The following WFS1 variants were observed in gnomAD, a reference collection of about 807,000 sequenced individuals.
WFS1 encodes the protein wolframin ER transmembrane glycoprotein, also known as wolframin.
A neutral mutation model predicts 68.5 loss-of-function variants in WFS1; 90 were observed. The ratio of observed to expected loss-of-function variants is 1.31; its 90% CI spans 1.11 to 1.56. WFS1 has a LOEUF of 1.56. Among genes scored for constraint, WFS1 ranks in the 40% most tolerant of loss-of-function variants. The pLI, the probability that WFS1 is intolerant of heterozygous loss-of-function variation, is 0.00. For synonymous variants in WFS1, 860 were observed against 540.7 expected, an observed-to-expected ratio of 1.59 and a Z score of -8.19; for missense variants, 1,767 against 1,232.6, an observed-to-expected ratio of 1.43 and a Z score of -6.49.
rs1344526207 is a variant in WFS1, at chr4:6,300,674, G to A, written c.879G>A (p.Leu293=). ...PLRLKVVKYP[L]HAIMEIKEYL... ...TCCCCCAGGTGGTCAAGTACCCCCT[G>A]CACGCCATCATGGAGATCAAGGAGT... Residue 293 remains leucine (L), a synonymous_variant, in exon 8 of 8, where the codon CTG becomes CTA. Transcript: ENST00000226760. 2 of 1,614,028 alleles carry A rather than the reference G, an allele frequency of 1.2e-6. No homozygotes were observed.
At position 6,295,091 on chromosome 4, in the gene WFS1, G is replaced by A. The variant is rs1486734952; in HGVS notation, c.763G>A (p.Ala255Thr). The change falls in exon 7 of 8, where the codon GCC becomes ACC. Residue 255 changes from alanine to threonine, a missense_variant. Coordinates refer to ENST00000226760, the MANE Select transcript of WFS1 (RefSeq NM_006005.3). ...DDFVEITKKYAKGVIPSSLFL... is the reference protein window; with the variant it reads ...DDFVEITKKYTKGVIPSSLFL... ...CTTTGTGGAGATCACTAAGAAGTACGCCAAGGGCGTCATCCCCAGCAGCCT... is the reference window on the plus strand; with the variant it reads ...CTTTGTGGAGATCACTAAGAAGTACACCAAGGGCGTCATCCCCAGCAGCCT... The A allele has an allele frequency of 6.2e-6, 10 of 1,613,524 alleles. No individual in the cohort carries two copies. In the East Asian group the frequency reaches 1.1e-4, roughly 18 times the overall value.
Position 6,301,824 on chromosome 4 carries a change from G to T in WFS1, c.2029G>T (p.Ala677Ser), listed in dbSNP as rs757027394. 1 of 1,613,150 alleles carries T rather than the reference G, an allele frequency of 6.2e-7. No individual in the cohort carries two copies. The highest frequency in any genetic ancestry group is 8.5e-7 in the Non-Finnish European group (1 of 1,180,024). The part of the protein sequence containing the change: ...QQYGALCGPR[A>S]WKETNMARTQ... ...GTATGGTGCGCTGTGCGGGCCACGCGCCTGGAAGGAGACCAACATGGCGCG... is the reference window on the plus strand; with the variant it reads ...GTATGGTGCGCTGTGCGGGCCACGCTCCTGGAAGGAGACCAACATGGCGCG... The change falls in exon 8 of 8, where the codon GCC becomes TCC. Residue 677 changes from alanine to serine, a missense_variant. Physicochemically the swap from Ala to Ser is moderately conservative, Grantham distance 99. Transcript: ENST00000226760.
chr4:6,294,906 G>T lies in WFS1; in HGVS notation c.713-135G>T, dbSNP rs1730583008. The T allele has an allele frequency of 6.7e-6, 10 of 1,482,458 alleles. No homozygotes were observed. In the South Asian group the frequency reaches 9.2e-5, roughly 14 times the overall value. 91.8% of individuals were successfully genotyped at this position (1,482,458 alleles called of 1,614,324 possible). On this transcript the variant is annotated intron_variant, in intron 6 of 7. Transcript: ENST00000226760. ...CAACCCTCAGGCCGCCCAGGGAAGG[G>T]TTTCCTCCACCTGAACCCACTCAGC...
intron 6 of WFS1, among the ~76,000 whole-genome samples, chr4:6,292,670 T>TA (rs1346940609): frequency 1.3e-5 from 2 of 152,046 alleles, no homozygotes; most frequent in Admixed American, 6.5e-5. Flanking sequence ...CTGGAGAAGA[T>TA]AGACAGGCAG....
Position 6,287,785 on chromosome 4 carries a change from C to T in WFS1, c.315+610C>T, listed in dbSNP as rs183414461. 5.3e-5 allele frequency among the ~76,000 whole-genome samples: 8 copies of T among 152,146 alleles called. No individual in the cohort carries two copies. Among genetic ancestry groups the T allele is most frequent in the African/African-American group, 9.7e-5 (4 of 41,436 alleles). ...CGGGAGGTGGCAGGGGGTCCTGTGT[C>T]CTCTGTGGAGGCAAGTTCTCACCAC... On this transcript the variant is annotated intron_variant, in intron 3 of 7. Coordinates refer to ENST00000226760, the MANE Select transcript of WFS1 (RefSeq NM_006005.3). This position sits in a 1 kb window ranked among gnomAD's most constrained non-coding sequence, Gnocchi z 6.4.
chr4:6,292,117 C>T (rs1274417493), intron 6 of WFS1, 120 bp downstream of exon 6: 25 of 1,050,260 alleles, frequency 2.4e-5, no homozygotes, highest in South Asian at 1.5e-4. Context: ...TCCCAGCCTG[C>T]GCCTGCAGGG....
At position 6,301,770 on chromosome 4, in the gene WFS1, G is replaced by T. The variant is rs1055026501; in HGVS notation, c.1975G>T (p.Val659Phe). The T allele has an allele frequency of 6.2e-7, 1 of 1,613,620 alleles. No individual in the cohort carries two copies. Residue 659 changes from valine (V) to phenylalanine (F), a missense_variant, in exon 8 of 8, where the codon GTC becomes TTC. Transcript: ENST00000226760. The part of the protein sequence containing the change: ...FYVYRSEGMK[V>F]YNSTLTWQQY... The stretch of plus-strand genomic sequence containing the variant: ...TGTGTACCGCTCAGAGGGCATGAAG[G>T]TCTACAACTCCACACTGACCTGGCA...
rs149776304 is a variant in WFS1 at position 6,293,062 on chromosome 4, C to T, written c.712+1065C>T. On this transcript the variant is annotated intron_variant, in intron 6 of 7. Coordinates refer to ENST00000226760, the MANE Select transcript of WFS1 (RefSeq NM_006005.3). ...AAGAAATCTGTGACTCTAGGAAGCC[C>T]GAGGACCAGAGAGGCTGTGACAGTG... Among the ~76,000 whole-genome samples the T allele has an allele frequency of 9.2e-3, 1,406 of 152,298 alleles. 13 individuals are homozygous for T. Among genetic ancestry groups the T allele is most frequent in the Non-Finnish European group, 0.014 (939 of 68,012 alleles).
rs377648381 is a variant in WFS1, at chr4:6,287,572, C to T, written c.315+397C>T. On this transcript the variant is annotated intron_variant, in intron 3 of 7. Transcript: ENST00000226760. This position sits in a 1 kb window ranked among gnomAD's most constrained non-coding sequence, Gnocchi z 6.4. ...AGCTGTGTGCACGGGGCCCTCAGAGCGGTGACCATTCACTTGGGCATCAGC... is the reference window on the plus strand; with the variant it reads ...AGCTGTGTGCACGGGGCCCTCAGAGTGGTGACCATTCACTTGGGCATCAGC... 9.2e-5 allele frequency among the ~76,000 whole-genome samples: 14 copies of T among 152,302 alleles called. 1 individual carries two copies. Among genetic ancestry groups the T allele is most frequent in the African/African-American group, 2.6e-4 (11 of 41,570 alleles).
At position 6,294,258 on chromosome 4, in the gene WFS1, G is replaced by A. The variant is rs4689395; in HGVS notation, c.713-783G>A. Among the ~76,000 whole-genome samples the A allele has an allele frequency of 0.65, 98,278 of 151,876 alleles. 32,357 individuals are homozygous for A. The highest frequency in any genetic ancestry group is 0.97 in the East Asian group (4,985 of 5,146). On this transcript the variant is annotated intron_variant, in intron 6 of 7. Transcript: ENST00000226760. The stretch of plus-strand genomic sequence containing the variant: ...CACCACGGCAACTGGGGTCCTTCAG[G>A]GGCCTCATTCCCTCCTAGGGGATCA...
At chr4:6,289,376 T>C (rs1231379043) in intron 4 of WFS1, among the ~76,000 whole-genome samples, 1 of 152,244 alleles carries the variant, frequency 6.6e-6, no homozygotes, top group Non-Finnish European at 1.5e-5. Flanking sequence ...GTGGTAACTA[T>C]ACATCCTGCT....
intron 5 of WFS1, 57 bp downstream of exon 5, chr4:6,291,424 G>A (rs1393294128): frequency 1.1e-5 from 17 of 1,595,916 alleles, no homozygotes; most frequent in Non-Finnish European, 1.3e-5. Context: ...TCCCACAGGA[G>A]CCAGGACCTT....
At chr4:6,297,599 G>T (rs2109121253) in intron 7 of WFS1, among the ~76,000 whole-genome samples, 1 of 152,264 alleles carries the variant, frequency 6.6e-6, no homozygotes, top group East Asian at 1.9e-4. Flanking sequence ...CCCTTCCCCA[G>T]CCTGCCTTCT....
In WFS1 at chr4:6,302,959, A is replaced by C. The variant is rs994187148; in HGVS notation, c.*491A>C. ...CCCTTTCCTGGGGGATGTGCACGGC[A>C]GCTTGAGCCTGTCACGTGGTCAAGG... is the stretch of plus-strand genomic sequence containing the variant. On this transcript the variant is annotated 3_prime_UTR_variant, in exon 8 of 8. Transcript: ENST00000226760. The C allele has an allele frequency of 1.0e-4, 18 of 177,366 alleles. No homozygotes were observed. The highest frequency in any genetic ancestry group is 9.7e-4 in the Admixed American group (18 of 18,602). The allele number at this position is 177,366 out of a possible 1,614,324, so 11.0% of individuals were successfully genotyped here.
rs536514767 is a variant in WFS1 at position 6,295,264 on chromosome 4, A to G, written c.861+75A>G. On this transcript the variant is annotated intron_variant, in intron 7 of 7. Transcript: ENST00000226760. ...GCGCACCTCAGGCAGGGCACCTTCC[A>G]GGAAGCTGCAGGTGGGGAGGTTCGC... 15 of 1,582,926 alleles carry G rather than the reference A, an allele frequency of 9.5e-6. No homozygotes were observed. The South Asian group carries it at 1.7e-4, about 18-fold the overall frequency.
chr4:6,299,422 A>G (rs1482161386), intron 7 of WFS1, among the ~76,000 whole-genome samples: 1 of 147,404 alleles, frequency 6.8e-6, no homozygotes, highest in Non-Finnish European at 1.5e-5. Flanking sequence ...GCTGGTGTGT[A>G]TGTGTAGGTG....
At chr4:6,289,651 C>T (rs528996594) in intron 4 of WFS1, among the ~76,000 whole-genome samples, 93 of 152,236 alleles carry the variant, frequency 6.1e-4, no homozygotes, top group Admixed American at 9.2e-4. Context: ...AGGAAAGGGA[C>T]GCAGCTCAGG....
intron 6 of WFS1, chr4:6,294,657 C>T: frequency 3.0e-6 from 1 of 334,000 alleles, no homozygotes; most frequent in Admixed American, 4.0e-5. Flanking sequence ...TGTGAGAAGC[C>T]CCACGCTGGC....
intron 5 of WFS1, among the ~76,000 whole-genome samples, chr4:6,291,648 C>T (rs1730467621): frequency 6.6e-6 from 1 of 152,170 alleles, no homozygotes; most frequent in Non-Finnish European, 1.5e-5. Flanking sequence ...GGTATTCTGC[C>T]CAGTGCTCTG....
Sources: gnomAD v4.1 joint callset for allele counts (sites outside exome capture counted in the v4.1 genomes callset) on GRCh38, gnomAD v4.1.1 for gene constraint, Gnocchi (gnomAD v3.1) non-coding constraint, MANE v1.5 for transcripts, NCBI Gene and HGNC (gene_info 2026-07-23, HGNC 2026-07-21) for gene names.